Variants in MYO9A observed in about 807,000 individuals in gnomAD.
MYO9A encodes the protein unconventional myosin-IXa.
A neutral mutation model predicts 293.3 loss-of-function variants in MYO9A; 103 were observed. The ratio of observed to expected loss-of-function variants is 0.35; its 90% CI spans 0.30 to 0.41. The LOEUF (loss-of-function observed/expected upper bound fraction) is 0.41, where lower values mean the gene tolerates loss of function less well. Among genes scored for constraint, MYO9A ranks in the 10% least tolerant of loss-of-function variants. The pLI, the probability that MYO9A is intolerant of heterozygous loss-of-function variation, is 1.00. For synonymous variants in MYO9A, 1,001 were observed against 1,035.7 expected (o/e 0.97, Z 0.64); for missense variants, 2,685 against 3,033.0 (o/e 0.89, Z 2.69).
chr15:72,041,877 T>TA (rs757220384), intron 2 of MYO9A, among the ~76,000 whole-genome samples: 5,290 of 136,180 alleles, frequency 0.039, 169 homozygotes, highest in African/African-American at 0.094. Context: ...CAAAGCTTAC[T>TA]AAAAAAAAAA....
At chr15:71,839,591 G>T (rs2055071114) in intron 39 of MYO9A, among the ~76,000 whole-genome samples, 1 of 151,940 alleles carries the variant, frequency 6.6e-6, no homozygotes, top group African/African-American at 2.4e-5. Flanking sequence ...TAAATTTTTT[G>T]TAGAGATGAT....
At chr15:71,868,994 CTAAA>C (rs1040082389) in intron 32 of MYO9A, among the ~76,000 whole-genome samples, 13 of 151,970 alleles carry the variant, frequency 8.6e-5, no homozygotes, top group Non-Finnish European at 1.5e-4. Flanking sequence ...TTCCTTTGAG[CTAAA>C]TAAATAAAAA....
intron 11 of MYO9A, among the ~76,000 whole-genome samples, chr15:71,989,456 T>C (rs924240775): frequency 7.2e-5 from 11 of 152,134 alleles, no homozygotes; most frequent in African/African-American, 2.7e-4. Flanking sequence ...GTCTCTTATA[T>C]AAAATGGCTT....
At chr15:72,100,218 C>CA (rs1308757194) in intron 1 of MYO9A, among the ~76,000 whole-genome samples, 1 of 151,066 alleles carries the variant, frequency 6.6e-6, no homozygotes, top group African/African-American at 2.4e-5. Flanking sequence ...CCTGTCTCTA[C>CA]AAAAAATAGA....
intron 12 of MYO9A, among the ~76,000 whole-genome samples, chr15:71,968,786 T>C (rs1299624688): frequency 6.6e-6 from 1 of 152,128 alleles, no homozygotes; most frequent in Non-Finnish European, 1.5e-5. Context: ...GTTAAGACTG[T>C]GATGTTAAAG....
intron 1 of MYO9A, chr15:72,114,616 G>A (rs2080902076): frequency 6.6e-6 from 1 of 152,160 alleles, no homozygotes; most frequent in Non-Finnish European, 1.5e-5. Context: ...GTTTTTGTGG[G>A]GGGAAAAGAG....
At chr15:72,107,088 A>AAGGAGGAGGAGGAAGAAGAGTAGGGAG in intron 1 of MYO9A, among the ~76,000 whole-genome samples, 1 of 152,320 alleles carries the variant, frequency 6.6e-6, no homozygotes, top group Middle Eastern at 3.4e-3. Flanking sequence ...AACAAACTAA[A>AAGGAGGAGGAGGAAGAAGAGTAGGGAG]AGGAGGAGGA....
At chr15:71,981,641 G>GTCTCTCTCTC (rs142432028) in intron 11 of MYO9A, among the ~76,000 whole-genome samples, 11 of 144,498 alleles carry the variant, frequency 7.6e-5, no homozygotes, top group East Asian at 2.0e-4. Flanking sequence ...TCTCTGTCTT[G>GTCTCTCTCTC]TCTCTCTCTC....
At chr15:72,075,105 T>C (rs2150248371) in intron 1 of MYO9A, among the ~76,000 whole-genome samples, 1 of 151,986 alleles carries the variant, frequency 6.6e-6, no homozygotes, top group South Asian at 2.1e-4. Context: ...GCTGGGATTA[T>C]AGGTATGCGC....
chr15:71,839,582 A>T (rs1361441949), intron 39 of MYO9A, among the ~76,000 whole-genome samples: 2 of 151,928 alleles, frequency 1.3e-5, no homozygotes, highest in East Asian at 3.9e-4. Context: ...CTAACTTTTT[A>T]AATTTTTTGT....
chr15:71,906,758 C>CTTTCTTTCTTTTTTTTTTTTT (rs765264146), intron 19 of MYO9A, among the ~76,000 whole-genome samples: 1 of 61,012 alleles, frequency 1.6e-5, no homozygotes, highest in African/African-American at 6.4e-5. Context: ...CCATTTCTTT[C>CTTTCTTTCTTTTTTTTTTTTT]TTTTTTTTTT....
At chr15:72,056,671 A>G (rs150483334) in intron 1 of MYO9A, among the ~76,000 whole-genome samples, 1 of 152,296 alleles carries the variant, frequency 6.6e-6, no homozygotes, top group Non-Finnish European at 1.5e-5. Flanking sequence ...AATCTCAGAA[A>G]TCACCACTAA....
At chr15:71,891,652 C>A (rs961767692) in intron 26 of MYO9A, 1 of 152,162 alleles carries the variant, frequency 6.6e-6, no homozygotes, top group Non-Finnish European at 1.5e-5. Context: ...TTATCAGATA[C>A]ACAGAATGTT....
intron 13 of MYO9A, among the ~76,000 whole-genome samples, chr15:71,963,101 T>C (rs1482299517): frequency 6.6e-6 from 1 of 152,148 alleles, no homozygotes; most frequent in Non-Finnish European, 1.5e-5. Flanking sequence ...GTTTGTTTTT[T>C]GAGACAGGGT....
At chr15:71,904,228 C>G (rs960658055) in intron 20 of MYO9A, among the ~76,000 whole-genome samples, 189 bp from the exon 21 acceptor site, 2 of 152,150 alleles carry the variant, frequency 1.3e-5, no homozygotes, top group Admixed American at 6.5e-5. Flanking sequence ...TCTGACTGCC[C>G]AACCCTAGGG....
intron 39 of MYO9A, among the ~76,000 whole-genome samples, chr15:71,838,138 T>G (rs1023659279): frequency 6.6e-6 from 1 of 152,156 alleles, no homozygotes; most frequent in African/African-American, 2.4e-5. Context: ...TAGATAACAC[T>G]GAGAAGTGGT....
At chr15:71,949,424 T>G (rs368366362) in intron 15 of MYO9A, among the ~76,000 whole-genome samples, 19 of 151,164 alleles carry the variant, frequency 1.3e-4, no homozygotes, top group Middle Eastern at 3.4e-3. Context: ...TTTTTTTGTT[T>G]TTTTTTTTTT....
At chr15:72,115,393 T>A (rs2080934711) in intron 1 of MYO9A, among the ~76,000 whole-genome samples, 1 of 152,116 alleles carries the variant, frequency 6.6e-6, no homozygotes, top group African/African-American at 2.4e-5. Context: ...AACCCCTCTA[T>A]CCTTCCTCCT....
At chr15:71,828,280 A>G (rs2054590068) in intron 40 of MYO9A, among the ~76,000 whole-genome samples, 1 of 152,216 alleles carries the variant, frequency 6.6e-6, no homozygotes, top group African/African-American at 2.4e-5. Flanking sequence ...AGAAAGATGT[A>G]GTGGTGAGAT....
Sources: gnomAD v4.1 joint callset for allele counts (sites outside exome capture counted in the v4.1 genomes callset) on GRCh38, gnomAD v4.1.1 for gene constraint, MANE v1.5 for transcripts, NCBI Gene and HGNC (gene_info 2026-07-23, HGNC 2026-07-21) for gene names.